The following ATF7IP variants were observed in gnomAD, a reference collection of about 807,000 sequenced individuals.
ATF7IP encodes activating transcription factor 7-interacting protein 1.
Under a neutral mutation model 106.4 loss-of-function variants are expected in ATF7IP, and 23 were observed. That is an observed-to-expected ratio of 0.22 (90% CI 0.16 to 0.31). ATF7IP has a LOEUF of 0.31. ATF7IP is among the 10% of genes least tolerant of loss of function. The pLI is 1.00. For synonymous variants in ATF7IP, 542 were observed against 539.0 expected (o/e 1.01, Z -0.08); for missense variants, 1,334 against 1,524.3 (o/e 0.88, Z 2.08).
In ATF7IP at chr12:14,457,882, G is replaced by A. The variant is rs1398513848; in HGVS notation, c.2158+587G>A. The stretch of plus-strand genomic sequence containing the variant: ...GGCTGAGGCAGGCGGATCACTTGAG[G>A]TTAGGAGTTTGAGACCAGCCTGTCC... On this transcript the variant is annotated intron_variant, in intron 8 of 14. Coordinates refer to ENST00000261168, the MANE Select transcript of ATF7IP (RefSeq NM_018179.5). 3.3e-5 allele frequency among the ~76,000 whole-genome samples: 5 copies of A among 151,982 alleles called. No homozygotes were observed. The East Asian group carries it at 9.6e-4, about 29-fold the overall frequency.
rs1945143663 is a variant in ATF7IP at position 14,500,895 on chromosome 12, T to C, written c.*2822T>C. 6.6e-6 allele frequency: 1 copy of C among 152,144 alleles called. No individual in the cohort carries two copies. The highest frequency in any genetic ancestry group is 1.5e-5 in the Non-Finnish European group (1 of 68,024). The allele number at this position is 152,144 out of a possible 1,614,324, so 9.4% of individuals were successfully genotyped here. On this transcript the variant is annotated 3_prime_UTR_variant, in exon 15 of 15. Transcript: ENST00000261168. ...ACTAAAGTAAAATAACTACTTAAAA[T>C]GTTTTATTCCAGTTGGAAGGAAGGT...
chr12:14,483,900 G>A (rs1329363537), intron 13 of ATF7IP, among the ~76,000 whole-genome samples: 2 of 152,134 alleles, frequency 1.3e-5, no homozygotes, highest in Non-Finnish European at 2.9e-5. Flanking sequence ...GAGTGCTTTG[G>A]TCAGAGGCAG....
intron 2 of ATF7IP, among the ~76,000 whole-genome samples, chr12:14,426,427 G>GA (rs201447541): frequency 0.036 from 5,270 of 145,128 alleles, 131 homozygotes; most frequent in Non-Finnish European, 0.055. Context: ...TTTCTTCAAA[G>GA]AAAAAAAAAT....
At chr12:14,395,576 T>C (rs1385454850) in intron 1 of ATF7IP, among the ~76,000 whole-genome samples, 1 of 152,196 alleles carries the variant, frequency 6.6e-6, no homozygotes, top group African/African-American at 2.4e-5. Flanking sequence ...CATTATAGTC[T>C]GTTACTATAT....
rs555531974 is a variant in ATF7IP at position 14,498,115 on chromosome 12, T to G, written c.*42T>G. The G allele has an allele frequency of 2.6e-6, 4 of 1,512,000 alleles. No homozygotes were observed. In the African/African-American group the frequency reaches 5.6e-5, roughly 21 times the overall value. The allele number at this position is 1,512,000 out of a possible 1,614,324, so 93.7% of individuals were successfully genotyped here. ...ATTTTCCTCTTTTAAAATTTCCACC[T>G]TTTGGTCTTGTTTTTAATCTTGTGC... On this transcript the variant is annotated 3_prime_UTR_variant, in exon 15 of 15. Coordinates refer to ENST00000261168, the MANE Select transcript of ATF7IP (RefSeq NM_018179.5).
chr12:14,428,626 C>G (rs1301400968), intron 2 of ATF7IP, among the ~76,000 whole-genome samples: 1 of 152,164 alleles, frequency 6.6e-6, no homozygotes, highest in Non-Finnish European at 1.5e-5. Flanking sequence ...GAATTATTAG[C>G]TGAAGTACTA....
intron 10 of ATF7IP, among the ~76,000 whole-genome samples, chr12:14,474,070 G>A (rs1944160988): frequency 6.6e-6 from 1 of 151,834 alleles, no homozygotes; most frequent in South Asian, 2.1e-4. Flanking sequence ...AATTTGGGAA[G>A]TTTTTGGTTA....
intron 1 of ATF7IP, chr12:14,385,340 G>T (rs1939170641): frequency 1.3e-6 from 2 of 1,521,794 alleles, no homozygotes; most frequent in Admixed American, 2.0e-5. Flanking sequence ...CCTAGTCTTT[G>T]TAGCTGCTTA....
chr12:14,438,798 G>C (rs1187333326), intron 5 of ATF7IP, among the ~76,000 whole-genome samples: 1 of 152,100 alleles, frequency 6.6e-6, no homozygotes, highest in African/African-American at 2.4e-5. Context: ...TGAAATACTG[G>C]AAGTTTAGAC....
intron 1 of ATF7IP, chr12:14,419,120 T>G (rs904005698): frequency 6.6e-6 from 1 of 152,172 alleles, no homozygotes; most frequent in Non-Finnish European, 1.5e-5. Context: ...TCCAAGTGCT[T>G]AATGTATAGA....
intron 1 of ATF7IP, among the ~76,000 whole-genome samples, chr12:14,413,764 A>G (rs1264072694): frequency 6.6e-6 from 1 of 152,146 alleles, no homozygotes; most frequent in African/African-American, 2.4e-5. Flanking sequence ...CAAGGTGTGT[A>G]ATAAAAGGGT....
intron 1 of ATF7IP, among the ~76,000 whole-genome samples, chr12:14,380,568 C>T (rs1233143120): frequency 6.6e-6 from 1 of 152,210 alleles, no homozygotes; most frequent in African/African-American, 2.4e-5. Context: ...GACTAGGGAT[C>T]TCTGCAGTCA....
chr12:14,452,657 C>T (rs1471145743), intron 6 of ATF7IP, among the ~76,000 whole-genome samples: 2 of 152,082 alleles, frequency 1.3e-5, no homozygotes, highest in African/African-American at 4.8e-5. Context: ...TGTCGTATAT[C>T]ACATCTTTTT....
At chr12:14,487,253 C>T (rs10846005) in intron 13 of ATF7IP, among the ~76,000 whole-genome samples, 46,629 of 149,058 alleles carry the variant, frequency 0.31, 8,707 homozygotes, top group Admixed American at 0.45. Flanking sequence ...ATATCCATCC[C>T]CATGCCTGTT....
intron 5 of ATF7IP, 51 bp downstream of exon 5, chr12:14,438,318 C>G (rs1227250444): frequency 1.4e-6 from 2 of 1,442,844 alleles, no homozygotes; most frequent in African/African-American, 2.9e-5. Context: ...GTTTTTATAA[C>G]TTATTTTCTG....
At chr12:14,481,471 C>A in intron 13 of ATF7IP, 2 of 467,564 alleles carry the variant, frequency 4.3e-6, no homozygotes, top group Non-Finnish European at 3.9e-6. Flanking sequence ...CTAGATTTAG[C>A]CATTCTGCAG....
In ATF7IP at chr12:14,424,706, T is replaced by G. The variant is rs376822963; in HGVS notation, c.791T>G (p.Leu264Arg). Reference sequence around the variant, plus strand: ...TCTGGTGATCTATCCTCTAGTGAACTGGCCTCTGATGATCTGGCCACTGGT... The same window carrying G: ...TCTGGTGATCTATCCTCTAGTGAACGGGCCTCTGATGATCTGGCCACTGGT... The part of the protein sequence containing the change: ...LASGDLSSSE[L>R]ASDDLATGEL... The change falls in exon 2 of 15, where the codon CTG (leucine) becomes CGG (arginine). Residue 264 changes from leucine (L) to arginine (R), a missense_variant. By Grantham distance (102) the Leu-to-Arg change is moderately radical (BLOSUM62 -2). This residue lies in a region of ATF7IP where 438 missense variants were observed against 405.3 expected (regional missense o/e 1.08). Coordinates refer to ENST00000261168, the MANE Select transcript of ATF7IP (RefSeq NM_018179.5). 3 of 1,614,142 alleles carry G rather than the reference T, an allele frequency of 1.9e-6. No homozygotes were observed. The highest frequency in any genetic ancestry group is 3.3e-5 in the Admixed American group (2 of 60,014).
chr12:14,435,178 T>C (rs750239063), intron 3 of ATF7IP, among the ~76,000 whole-genome samples: 3 of 151,932 alleles, frequency 2.0e-5, no homozygotes, highest in Non-Finnish European at 4.4e-5. Flanking sequence ...TAAGGTTCTT[T>C]AGCTTTATGG....
chr12:14,424,551 TGAA>T lies in ATF7IP; in HGVS notation c.637_639del (p.Glu213del). On this transcript the variant is annotated inframe_deletion, in exon 2 of 15. Coordinates refer to ENST00000261168, the MANE Select transcript of ATF7IP (RefSeq NM_018179.5). ...CCACCTCTAGTGATCCCATCCCAGG[TGAA>T]CCGGTCCCTGTTGAACCCATTTCTG... 1 of 1,614,194 alleles carries T rather than the reference TGAA, an allele frequency of 6.2e-7. No homozygotes were observed. Among genetic ancestry groups the T allele is most frequent in the Non-Finnish European group, 8.5e-7 (1 of 1,180,024 alleles).
Sources: allele counts gnomAD v4.1 joint callset (sites outside exome capture counted in the v4.1 genomes callset), GRCh38; gene constraint gnomAD v4.1.1; regional missense constraint gnomAD v4.1.1; transcripts MANE v1.5; gene names NCBI Gene and HGNC (gene_info 2026-07-23, HGNC 2026-07-21).